The following RBMS1 variants were observed in gnomAD, a reference collection of about 807,000 sequenced individuals.
The protein encoded by RBMS1 is RNA-binding motif, single-stranded-interacting protein 1.
In RBMS1, 17 loss-of-function variants were observed where a neutral mutation model predicts 62.3. The observed-to-expected ratio is 0.27, with a 90% CI of 0.19 to 0.41. RBMS1 has a LOEUF of 0.41. RBMS1 is among the 10% of genes least tolerant of loss of function. The probability of loss-of-function intolerance (pLI) is 1.00; values close to 1 mark genes in which losing one functional copy is unlikely to be tolerated. For synonymous variants in RBMS1, 172 were observed against 170.0 expected, an observed-to-expected ratio of 1.01 and a Z score of -0.09; for missense variants, 334 against 504.5, an observed-to-expected ratio of 0.66 and a Z score of 3.24.
chr2:160,320,213 A>C (rs1351072458), intron 2 of RBMS1, among the ~76,000 whole-genome samples: 1 of 152,218 alleles, frequency 6.6e-6, no homozygotes, highest in Non-Finnish European at 1.5e-5. Context: ...CATGCCTGTA[A>C]TACCAGCACT....
At chr2:160,398,267 G>A (rs948366388) in intron 1 of RBMS1, among the ~76,000 whole-genome samples, 1 of 152,178 alleles carries the variant, frequency 6.6e-6, no homozygotes, top group Non-Finnish European at 1.5e-5. Context: ...TGAGGTGGGA[G>A]ATGTTTTAAT....
At chr2:160,421,445 G>C (rs1696425511) in intron 1 of RBMS1, among the ~76,000 whole-genome samples, 1 of 152,090 alleles carries the variant, frequency 6.6e-6, no homozygotes, top group Non-Finnish European at 1.5e-5. Context: ...ATGGTTTCCA[G>C]CTTCATCCAA....
At chr2:160,395,074 T>C (rs1246385696) in intron 1 of RBMS1, among the ~76,000 whole-genome samples, 1 of 152,228 alleles carries the variant, frequency 6.6e-6, no homozygotes. Flanking sequence ...AATTATTCCA[T>C]GATCAAGTAA....
intron 1 of RBMS1, among the ~76,000 whole-genome samples, chr2:160,492,718 A>G (rs999805101): frequency 5.3e-5 from 8 of 152,240 alleles, no homozygotes; most frequent in Non-Finnish European, 2.9e-5. Context: ...CACACCGCAC[A>G]AAGATCAGAG....
intron 1 of RBMS1, among the ~76,000 whole-genome samples, chr2:160,426,297 A>AGAAAGAAAAGAAAGAAGGAAG (rs1559537519): frequency 5.3e-5 from 3 of 56,166 alleles, no homozygotes; most frequent in Admixed American, 3.9e-4. Flanking sequence ...AAGAAAAGAA[A>AGAAAGAAAAGAAAGAAGGAAG]GAAGGAAGGA....
chr2:160,351,002 A>C (rs773003220), intron 2 of RBMS1, among the ~76,000 whole-genome samples: 7 of 152,076 alleles, frequency 4.6e-5, no homozygotes, highest in Non-Finnish European at 8.8e-5. Context: ...CGCCATAAAA[A>C]AGGATAAGTT....
chr2:160,422,167 G>T (rs1316706231), intron 1 of RBMS1, among the ~76,000 whole-genome samples: 1 of 152,184 alleles, frequency 6.6e-6, no homozygotes, highest in African/African-American at 2.4e-5. Flanking sequence ...AAATGACAAA[G>T]ATATTTATCA....
chr2:160,461,016 T>C (rs1344805835), intron 1 of RBMS1, among the ~76,000 whole-genome samples: 2 of 152,172 alleles, frequency 1.3e-5, no homozygotes, highest in Non-Finnish European at 2.9e-5. Context: ...CCCAATACTT[T>C]GGGAGGCCAA....
In RBMS1 at chr2:160,448,504, C is replaced by A. The variant is rs998447219; in HGVS notation, c.75+44785G>T. ...GGAGACGGGGTTTCCCCGTGTTGGC[C>A]GGGCTGGTCTCCAGCTCCTGACCGC... is the stretch of plus-strand genomic sequence containing the variant. On this transcript the variant is annotated intron_variant, in intron 1 of 13. Coordinates refer to ENST00000348849, the MANE Select transcript of RBMS1 (RefSeq NM_016836.4). Among the ~76,000 whole-genome samples the A allele has an allele frequency of 4.6e-5, 7 of 152,248 alleles. 1 individual carries two copies. The highest frequency in any genetic ancestry group is 1.7e-4 in the African/African-American group (7 of 41,466).
rs368982549 is a variant in RBMS1, at chr2:160,471,691, G to GTATATATATATATATATATA, written c.75+21578_75+21597dup. The stretch of plus-strand genomic sequence containing the variant: ...AATCATGTTTGGGAAATCCTTTGGT[G>GTATATATATATATATATATA]TATATATATATATATATATATATAT... On this transcript the variant is annotated intron_variant, in intron 1 of 13. Coordinates refer to ENST00000348849, the MANE Select transcript of RBMS1 (RefSeq NM_016836.4). 4.4e-3 allele frequency among the ~76,000 whole-genome samples: 287 copies of GTATATATATATATATATATA among 65,750 alleles called. 18 individuals are homozygous for GTATATATATATATATATATA. Among genetic ancestry groups the GTATATATATATATATATATA allele is most frequent in the South Asian group, 8.8e-3 (11 of 1,244 alleles). 43.1% of individuals were successfully genotyped at this position (65,750 alleles called of 152,430 possible).
At chr2:160,473,721 A>G (rs959654302) in intron 1 of RBMS1, among the ~76,000 whole-genome samples, 1 of 152,218 alleles carries the variant, frequency 6.6e-6, no homozygotes, top group African/African-American at 2.4e-5. Context: ...ATACCAGAAC[A>G]GTCTGCTCTG....
intron 4 of RBMS1, among the ~76,000 whole-genome samples, chr2:160,310,084 T>G (rs1375630682): frequency 6.6e-6 from 1 of 152,344 alleles, no homozygotes; most frequent in East Asian, 1.9e-4. Context: ...TTTCACATTA[T>G]GTTAAACAGG....
chr2:160,402,711 G>A (rs1408860621), intron 1 of RBMS1, among the ~76,000 whole-genome samples: 2 of 152,164 alleles, frequency 1.3e-5, no homozygotes, highest in African/African-American at 2.4e-5. Flanking sequence ...TGTTCTTGAC[G>A]GGCTTTCTTT....
rs906937161 is a variant in RBMS1, at chr2:160,481,664, A to G, written c.75+11625T>C. Among the ~76,000 whole-genome samples the G allele has an allele frequency of 5.9e-5, 9 of 152,356 alleles. No homozygotes were observed. The East Asian group carries it at 1.5e-3, about 26-fold the overall frequency. On this transcript the variant is annotated intron_variant, in intron 1 of 13. Coordinates refer to ENST00000348849, the MANE Select transcript of RBMS1 (RefSeq NM_016836.4). Reference sequence around the variant, plus strand: ...TGCATGGTATGTAAATTATATCCCAATAAAGTTGTTATTTTTAAAAAATGA... The same window carrying G: ...TGCATGGTATGTAAATTATATCCCAGTAAAGTTGTTATTTTTAAAAAATGA...
chr2:160,340,897 C>A (rs1412199893), intron 2 of RBMS1, among the ~76,000 whole-genome samples: 1 of 152,068 alleles, frequency 6.6e-6, no homozygotes, highest in Admixed American at 6.6e-5. Flanking sequence ...AACTTAAATA[C>A]CCAACTTTTA....
At chr2:160,473,158 T>C (rs1210921846) in intron 1 of RBMS1, among the ~76,000 whole-genome samples, 3 of 152,234 alleles carry the variant, frequency 2.0e-5, no homozygotes, top group Non-Finnish European at 4.4e-5. Context: ...TTAGTGCAGA[T>C]TGCTCTGTCA....
chr2:160,394,742 A>G (rs1013674619), intron 1 of RBMS1, among the ~76,000 whole-genome samples: 2 of 152,256 alleles, frequency 1.3e-5, no homozygotes, highest in Non-Finnish European at 2.9e-5. Flanking sequence ...CTGAAGTTCT[A>G]TCAATGATTT....
chr2:160,476,140 G>T (rs1412410955), intron 1 of RBMS1, among the ~76,000 whole-genome samples: 5 of 152,132 alleles, frequency 3.3e-5, no homozygotes, highest in Non-Finnish European at 5.9e-5. Flanking sequence ...TTACAGGCAT[G>T]AGCCACCACA....
rs563447586 is a variant in RBMS1 at position 160,466,540 on chromosome 2, T to A, written c.75+26749A>T. 3.9e-5 allele frequency among the ~76,000 whole-genome samples: 6 copies of A among 152,278 alleles called. No homozygotes were observed. The South Asian group carries it at 1.2e-3, about 32-fold the overall frequency. ...TTATCTGAAATACTCATTTCTCAAATGTTAACACAGTAACAGAAAGCCAAC... is the reference window on the plus strand; with the variant it reads ...TTATCTGAAATACTCATTTCTCAAAAGTTAACACAGTAACAGAAAGCCAAC... On this transcript the variant is annotated intron_variant, in intron 1 of 13. Coordinates refer to ENST00000348849, the MANE Select transcript of RBMS1 (RefSeq NM_016836.4).
Sources: allele counts gnomAD v4.1 joint callset (sites outside exome capture counted in the v4.1 genomes callset), GRCh38; gene constraint gnomAD v4.1.1; transcripts MANE v1.5; gene names NCBI Gene and HGNC (gene_info 2026-07-23, HGNC 2026-07-21).